SOX6: variants seen among roughly 807,000 people sequenced by gnomAD.
SOX6 encodes the protein transcription factor SOX-6.
In SOX6, 11 loss-of-function variants were observed where a neutral mutation model predicts 97.8. The ratio of observed to expected loss-of-function variants is 0.11; its 90% CI spans 0.07 to 0.19. The LOEUF (loss-of-function observed/expected upper bound fraction) is 0.19. Ranked by LOEUF, SOX6 falls within the 10% of genes least tolerant of loss-of-function variation. The probability of loss-of-function intolerance (pLI) is 1.00; values close to 1 mark genes in which losing one functional copy is unlikely to be tolerated. For synonymous variants in SOX6, 360 were observed against 371.4 expected, an observed-to-expected ratio of 0.97 and a Z score of 0.35; for missense variants, 810 against 1,039.5, an observed-to-expected ratio of 0.78 and a Z score of 3.04.
intron 3 of SOX6, among the ~76,000 whole-genome samples, chr11:16,684,727 T>A (rs905864071): frequency 1.3e-5 from 2 of 152,000 alleles, no homozygotes; most frequent in African/African-American, 4.8e-5. Context: ...ACTTAAAGTA[T>A]AATTTAAAAA....
intron 12 of SOX6, among the ~76,000 whole-genome samples, chr11:16,030,885 A>G (rs1433529799): frequency 6.6e-6 from 1 of 152,200 alleles, no homozygotes; most frequent in Non-Finnish European, 1.5e-5. Context: ...GGCAGCTTTG[A>G]GTCTACCTCA....
At chr11:16,026,272 A>C (rs1411028731) in intron 12 of SOX6, among the ~76,000 whole-genome samples, 1 of 152,202 alleles carries the variant, frequency 6.6e-6, no homozygotes, top group South Asian at 2.1e-4. Context: ...GGAATTATTC[A>C]TCTCAAGAAA....
intron 1 of SOX6, among the ~76,000 whole-genome samples, chr11:16,402,192 G>C (rs1565132722): frequency 1.3e-5 from 2 of 151,456 alleles, no homozygotes; most frequent in Non-Finnish European, 3.0e-5. Context: ...ACCCACAGTA[G>C]CTCTTAAATT....
At chr11:16,029,645 A>G (rs944914353) in intron 12 of SOX6, among the ~76,000 whole-genome samples, 1 of 151,912 alleles carries the variant, frequency 6.6e-6, no homozygotes, top group African/African-American at 2.4e-5. Context: ...CAAAAAAAAA[A>G]ACAAAAAAAA....
At position 15,999,684 on chromosome 11, in the gene SOX6, A is replaced by G. The variant is rs1024036305; in HGVS notation, c.1733-10454T>C. ...TGTGAACTCAAAGATAATCTCATTT[A>G]CTAAAATGAATTATTAAGAAGAGCA... On this transcript the variant is annotated intron_variant, in intron 13 of 15. Coordinates refer to ENST00000683767, the MANE Select transcript of SOX6 (RefSeq NM_001367873.1). Among the ~76,000 whole-genome samples the G allele has an allele frequency of 4.8e-4, 73 of 152,172 alleles. 1 individual carries two copies. Among genetic ancestry groups the G allele is most frequent in the African/African-American group, 1.5e-3 (63 of 41,462 alleles).
chr11:16,616,974 C>T (rs1205073774), intron 3 of SOX6, among the ~76,000 whole-genome samples: 1 of 151,762 alleles, frequency 6.6e-6, no homozygotes, highest in African/African-American at 2.4e-5. Context: ...AATATAATTG[C>T]TATGCAAAGT....
chr11:16,603,643 GA>G (rs1373607027), intron 4 of SOX6, among the ~76,000 whole-genome samples: 2 of 152,156 alleles, frequency 1.3e-5, no homozygotes, highest in Admixed American at 1.3e-4. Flanking sequence ...GGTTGGTGCA[GA>G]GGGCCACTAG....
At chr11:16,514,616 T>C (rs1565168430) in intron 4 of SOX6, among the ~76,000 whole-genome samples, 3 of 152,014 alleles carry the variant, frequency 2.0e-5, no homozygotes, top group African/African-American at 4.8e-5. Context: ...TACATAGGTA[T>C]ACATGTGCCA....
At chr11:16,635,690 G>T (rs1590024771) in intron 3 of SOX6, among the ~76,000 whole-genome samples, 1 of 152,100 alleles carries the variant, frequency 6.6e-6, no homozygotes, top group Non-Finnish European at 1.5e-5. Context: ...CCCATCACAG[G>T]CCCAGAAGCC....
intron 3 of SOX6, among the ~76,000 whole-genome samples, chr11:16,293,782 C>T (rs1304339718): frequency 1.3e-5 from 2 of 152,080 alleles, no homozygotes; most frequent in Non-Finnish European, 2.9e-5. Flanking sequence ...AATAGCCACT[C>T]TCTGAAGACA....
At chr11:16,041,706 A>T (rs1855671889) in intron 12 of SOX6, among the ~76,000 whole-genome samples, 1 of 152,162 alleles carries the variant, frequency 6.6e-6, no homozygotes, top group South Asian at 2.1e-4. Flanking sequence ...GTAGGAACAA[A>T]AGCTCCCTAG....
chr11:16,602,649 T>C (rs1046361799), intron 4 of SOX6, among the ~76,000 whole-genome samples: 2 of 152,054 alleles, frequency 1.3e-5, no homozygotes, highest in African/African-American at 4.8e-5. Flanking sequence ...ATTTCATCGG[T>C]TCAATGAAAA....
intron 3 of SOX6, among the ~76,000 whole-genome samples, chr11:16,678,987 G>T (rs906070367): frequency 6.6e-6 from 1 of 152,240 alleles, no homozygotes; most frequent in African/African-American, 2.4e-5. Flanking sequence ...GGCCACCAGA[G>T]CTCAGCAAGG....
At chr11:16,103,615 G>A (rs779049412) in intron 7 of SOX6, among the ~76,000 whole-genome samples, 15 of 151,916 alleles carry the variant, frequency 9.9e-5, no homozygotes, top group Non-Finnish European at 2.2e-4. Flanking sequence ...TATGGAAACA[G>A]CCCAAATGCT....
intron 4 of SOX6, among the ~76,000 whole-genome samples, chr11:16,578,620 T>C (rs1381262478): frequency 2.0e-5 from 3 of 152,152 alleles, no homozygotes; most frequent in East Asian, 1.9e-4. Context: ...GTGTTTAATT[T>C]TGTTAGATTT....
chr11:16,084,329 G>T (rs888484868), intron 9 of SOX6, among the ~76,000 whole-genome samples: 3 of 152,002 alleles, frequency 2.0e-5, no homozygotes, highest in Admixed American at 1.3e-4. Flanking sequence ...ATTACTATAA[G>T]AGGGCAGTAA....
chr11:16,734,053 T>C (rs1481247506), intron 2 of SOX6, among the ~76,000 whole-genome samples: 1 of 150,654 alleles, frequency 6.6e-6, no homozygotes, highest in Non-Finnish European at 1.5e-5. Context: ...AAAGAAGATA[T>C]ACATCAACAA....
At chr11:16,233,902 G>A (rs2351961) in intron 4 of SOX6, among the ~76,000 whole-genome samples, 117,610 of 151,226 alleles carry the variant, frequency 0.78, 45,880 homozygotes, top group Non-Finnish European at 0.8. Flanking sequence ...AGCTACTCAG[G>A]GGGCTGAGGC....
At chr11:16,114,140 C>T (rs1252714291) in intron 6 of SOX6, among the ~76,000 whole-genome samples, 2 of 152,114 alleles carry the variant, frequency 1.3e-5, no homozygotes, top group Admixed American at 6.6e-5. Flanking sequence ...ACCTTTAGAG[C>T]CTTTCCAACT....
Sources: allele counts gnomAD v4.1 joint callset (sites outside exome capture counted in the v4.1 genomes callset), GRCh38; gene constraint gnomAD v4.1.1; transcripts MANE v1.5; gene names NCBI Gene and HGNC (gene_info 2026-07-23, HGNC 2026-07-21).